SH3GLB2: variants seen among roughly 807,000 people sequenced by gnomAD.
The protein encoded by SH3GLB2 is SH3 domain containing GRB2 like, endophilin B2, also known as endophilin-B2.
A neutral mutation model predicts 48.0 loss-of-function variants in SH3GLB2; 24 were observed. The observed-to-expected ratio is 0.50, with a 90% confidence interval of 0.36 to 0.70. The LOEUF is 0.70. Among genes scored for constraint, SH3GLB2 ranks in the 30% least tolerant of loss-of-function variants. The probability of loss-of-function intolerance (pLI) is 0.00; values close to 1 mark genes in which losing one functional copy is unlikely to be tolerated. For synonymous variants in SH3GLB2, 227 were observed against 207.6 expected (o/e 1.09, Z -0.80); for missense variants, 425 against 516.0 (o/e 0.82, Z 1.71).
chr9:129,012,088 TC>T, intron 6 of SH3GLB2, 147 bp downstream of exon 6: 1 of 450,490 alleles, frequency 2.2e-6, no homozygotes, highest in Non-Finnish European at 3.7e-6. Flanking sequence ...CTGCTGCCCC[TC>T]CCCAGTGTCT....
intron 5 of SH3GLB2, 31 bp from the exon 6 acceptor site, chr9:129,012,329 G>A (rs1843175701): frequency 7.9e-7 from 1 of 1,265,398 alleles, no homozygotes; most frequent in South Asian, 3.4e-5. Flanking sequence ...TGTGGGGAGG[G>A]GGTCACCCTG....
At chr9:129,009,537 C>T (rs1029936850) in intron 9 of SH3GLB2, 191 bp from the exon 10 acceptor site, 11 of 1,547,654 alleles carry the variant, frequency 7.1e-6, no homozygotes, top group Non-Finnish European at 9.6e-6. Flanking sequence ...CCCTGCCATC[C>T]TCCCCACCCA....
rs2131215804 is a variant in SH3GLB2, at chr9:129,008,458, G to A, written c.*226C>T. ...GGAGGGTGGGGTGCTCGGGGATGCA[G>A]GCAGGGGCAGGGGCTCCAGAGCCAC... is the stretch of plus-strand genomic sequence containing the variant. On this transcript the variant is annotated 3_prime_UTR_variant, in exon 11 of 11. Transcript: ENST00000372564. 7 of 503,828 alleles carry A rather than the reference G, an allele frequency of 1.4e-5. No individual in the cohort carries two copies. The East Asian group carries it at 2.6e-4, about 18-fold the overall frequency. 31.2% of individuals were successfully genotyped at this position (503,828 alleles called of 1,614,324 possible).
rs1842994558 is a variant in SH3GLB2 at position 129,009,755 on chromosome 9, A to G, written c.839+16T>C. The G allele has an allele frequency of 6.2e-7, 1 of 1,605,208 alleles. No homozygotes were observed. The highest frequency in any genetic ancestry group is 8.5e-7 in the Non-Finnish European group (1 of 1,175,604). ...GCCAGGGGGCCCCAGTGGGTTCAGC[A>G]GTGCTGGCCCCGCACCTGCCCAGCT... On this transcript the variant is annotated intron_variant, in intron 9 of 10. Transcript: ENST00000372564.
At position 129,012,268 on chromosome 9, in the gene SH3GLB2, G is replaced by T; in HGVS notation, c.592C>A (p.Arg198Ser). Residue 198 changes from arginine (R) to serine (S), a missense_variant, in exon 6 of 11, where the codon CGT becomes AGT. Physicochemically the swap from Arg to Ser is moderately radical, Grantham distance 110. Transcript: ENST00000372564. ...TVPDFQETRP[R>S]NYILSASASA... ...GCGCTGGCCGAGAGAATGTAATTAC[G>T]AGGTCTAGTCTCCTGAAAGTCAGGC... 1 of 1,302,394 alleles carries T rather than the reference G, an allele frequency of 7.7e-7. No homozygotes were observed. Among genetic ancestry groups the T allele is most frequent in the Non-Finnish European group, 9.8e-7 (1 of 1,018,130 alleles). The allele number at this position is 1,302,394 out of a possible 1,614,324, so 80.7% of individuals were successfully genotyped here. A position where few individuals can be genotyped will look rare whatever the true frequency, so the allele number is the denominator to read the frequency against.
At chr9:129,012,699 T>C (rs1194207046) in intron 5 of SH3GLB2, 1 of 485,168 alleles carries the variant, frequency 2.1e-6, no homozygotes, top group East Asian at 3.2e-5. Flanking sequence ...GCTTTTTCCA[T>C]CCCAGAATCC....
intron 1 of SH3GLB2, among the ~76,000 whole-genome samples, chr9:129,026,687 G>A (rs1225620203): frequency 1.3e-5 from 2 of 152,212 alleles, no homozygotes; most frequent in Non-Finnish European, 2.9e-5. Context: ...TCAGGCAGCA[G>A]GGCCCCAGCC....
chr9:129,009,201 C>G lies in SH3GLB2; in HGVS notation c.985G>C (p.Glu329Gln). The G allele has an allele frequency of 6.2e-7, 1 of 1,610,544 alleles. No individual in the cohort carries two copies. Among genetic ancestry groups the G allele is most frequent in the Non-Finnish European group, 8.5e-7 (1 of 1,179,000 alleles). ...PPGEASLCLE[E>Q]VAPPASGTRK... Reference sequence around the variant, plus strand: ...GTCCCACTGGCAGGGGGGGCCACCTCTTCCAGGCAGAGCGAGGCCTCCCCC... The same window carrying G: ...GTCCCACTGGCAGGGGGGGCCACCTGTTCCAGGCAGAGCGAGGCCTCCCCC... Residue 329 changes from glutamate to glutamine, a missense_variant, in exon 10 of 11, where the codon GAG (glutamate) becomes CAG (glutamine). Physicochemically the swap from Glu to Gln is conservative, Grantham distance 29. Transcript: ENST00000372564.
intron 5 of SH3GLB2, 146 bp from the exon 6 acceptor site, chr9:129,012,444 C>A: frequency 2.3e-6 from 1 of 438,004 alleles, no homozygotes; most frequent in Non-Finnish European, 3.9e-6. Flanking sequence ...ACACAAACCC[C>A]CTTCTCCCGA....
intron 3 of SH3GLB2, among the ~76,000 whole-genome samples, chr9:129,019,839 A>G (rs1249916670): frequency 6.6e-6 from 1 of 150,740 alleles, no homozygotes; most frequent in Admixed American, 6.6e-5. Flanking sequence ...TTTAAAATGA[A>G]AAAAAAAAGA....
intron 3 of SH3GLB2, among the ~76,000 whole-genome samples, chr9:129,017,669 G>A (rs1201301482): frequency 6.6e-6 from 1 of 151,974 alleles, no homozygotes; most frequent in African/African-American, 2.4e-5. Flanking sequence ...GGGAGGCCAA[G>A]GTGGGTGGAT....
At chr9:129,017,545 CTT>C (rs1843503706) in intron 3 of SH3GLB2, among the ~76,000 whole-genome samples, 1 of 151,950 alleles carries the variant, frequency 6.6e-6, no homozygotes, top group Non-Finnish European at 1.5e-5. Flanking sequence ...AGGCGGATCA[CTT>C]GAGATCAGGA....
chr9:129,008,594 A>C lies in SH3GLB2; in HGVS notation c.*90T>G. The C allele has an allele frequency of 1.0e-6, 1 of 996,194 alleles. No homozygotes were observed. The highest frequency in any genetic ancestry group is 1.6e-5 in the African/African-American group (1 of 63,488). The allele number at this position is 996,194 out of a possible 1,614,324, so 61.7% of individuals were successfully genotyped here. A position where few individuals can be genotyped will look rare whatever the true frequency, so the allele number is the denominator to read the frequency against. On this transcript the variant is annotated 3_prime_UTR_variant, in exon 11 of 11. Coordinates refer to ENST00000372564, the MANE Select transcript of SH3GLB2 (RefSeq NM_020145.4). Reference sequence around the variant, plus strand: ...GGGGTGAATTCTCCCCACTCTGAACAACTGTGTCACCAACAAACAAGTTAA... The same window carrying C: ...GGGGTGAATTCTCCCCACTCTGAACCACTGTGTCACCAACAAACAAGTTAA...
Position 129,012,771 on chromosome 9 carries a change from A to G in SH3GLB2, c.562-473T>C, listed in dbSNP as rs971860919. The stretch of plus-strand genomic sequence containing the variant: ...GCCCCTCCCGACAATGAAGGTGGAC[A>G]GATGGATGCATGGGCAGACAGAGTG... On this transcript the variant is annotated intron_variant, in intron 5 of 10. Coordinates refer to ENST00000372564, the MANE Select transcript of SH3GLB2 (RefSeq NM_020145.4). The G allele has an allele frequency of 1.4e-5, 8 of 581,414 alleles. No individual in the cohort carries two copies. In the African/African-American group the frequency reaches 1.5e-4, roughly 11 times the overall value. 36.0% of individuals were successfully genotyped at this position (581,414 alleles called of 1,614,324 possible). A position where few individuals can be genotyped will look rare whatever the true frequency, so the allele number is the denominator to read the frequency against.
chr9:129,008,648 C>T lies in SH3GLB2; in HGVS notation c.*36G>A. The T allele has an allele frequency of 6.5e-7, 1 of 1,535,878 alleles. No individual in the cohort carries two copies. Among genetic ancestry groups the T allele is most frequent in the Non-Finnish European group, 9.0e-7 (1 of 1,109,874 alleles). On this transcript the variant is annotated 3_prime_UTR_variant, in exon 11 of 11. Coordinates refer to ENST00000372564, the MANE Select transcript of SH3GLB2 (RefSeq NM_020145.4). ...GCAGGGCTGCGCCCATCCTCTCCTG[C>T]CTAGGCCAGAATGCGGGGGGGATGG...
In SH3GLB2 at chr9:129,014,604, G is replaced by C; in HGVS notation, c.469-101C>G. On this transcript the variant is annotated intron_variant, in intron 4 of 10. Coordinates refer to ENST00000372564, the MANE Select transcript of SH3GLB2 (RefSeq NM_020145.4). The surrounding 1 kb of genome is among the most constrained non-coding windows in gnomAD (Gnocchi z 4.1). ...TGCCGGGGACGATCAAGTCAAGATAGGGAAACTGAGGCCCAGAGATAGGAG... is the reference window on the plus strand; with the variant it reads ...TGCCGGGGACGATCAAGTCAAGATACGGAAACTGAGGCCCAGAGATAGGAG... 2.0e-6 allele frequency: 3 copies of C among 1,486,558 alleles called. No individual in the cohort carries two copies. The highest frequency in any genetic ancestry group is 2.8e-6 in the Non-Finnish European group (3 of 1,082,624). The allele number at this position is 1,486,558 out of a possible 1,614,324, so 92.1% of individuals were successfully genotyped here.
chr9:129,009,776 CA>C lies in SH3GLB2; in HGVS notation c.833del (p.Leu278ArgfsTer19). ...YRHMLDLQKQ[L>X]GRFPGTFVGT... Reference sequence around the variant, plus strand: ...CAGCAGTGCTGGCCCCGCACCTGCCCAGCTGCTTCTGCAAGTCCAGCATGTG... The same window carrying C: ...CAGCAGTGCTGGCCCCGCACCTGCCCGCTGCTTCTGCAAGTCCAGCATGTG... On this transcript the variant is annotated frameshift_variant, in exon 9 of 11. Transcript: ENST00000372564. LOFTEE classifies it high-confidence loss of function. 1.2e-6 allele frequency: 2 copies of C among 1,612,592 alleles called. No individual in the cohort carries two copies. The highest frequency in any genetic ancestry group is 2.7e-5 in the African/African-American group (2 of 75,046).
At position 129,014,367 on chromosome 9, in the gene SH3GLB2, C is replaced by A; in HGVS notation, c.561+44G>T. On this transcript the variant is annotated intron_variant, in intron 5 of 10. Transcript: ENST00000372564. This position sits in a 1 kb window ranked among gnomAD's most constrained non-coding sequence, Gnocchi z 4.1. ...TCATGCCACCACCCCTTGGCTCCAG[C>A]CAGAGCCTGGGCCAGGAGGCCAGCG... is the stretch of plus-strand genomic sequence containing the variant. 1.3e-6 allele frequency: 2 copies of A among 1,532,110 alleles called. No homozygotes were observed. Among genetic ancestry groups the A allele is most frequent in the South Asian group, 2.4e-5 (2 of 83,648 alleles). The allele number at this position is 1,532,110 out of a possible 1,614,324, so 94.9% of individuals were successfully genotyped here.
In SH3GLB2 at chr9:129,014,361, C is replaced by T; in HGVS notation, c.561+50G>A. 3 of 1,520,790 alleles carry T rather than the reference C, an allele frequency of 2.0e-6. No homozygotes were observed. Among genetic ancestry groups the T allele is most frequent in the Non-Finnish European group, 2.7e-6 (3 of 1,123,004 alleles). 94.2% of individuals were successfully genotyped at this position (1,520,790 alleles called of 1,614,324 possible). A position where few individuals can be genotyped will look rare whatever the true frequency, so the allele number is the denominator to read the frequency against. The stretch of plus-strand genomic sequence containing the variant: ...GTCCCTTCATGCCACCACCCCTTGG[C>T]TCCAGCCAGAGCCTGGGCCAGGAGG... On this transcript the variant is annotated intron_variant, in intron 5 of 10. Coordinates refer to ENST00000372564, the MANE Select transcript of SH3GLB2 (RefSeq NM_020145.4). The surrounding 1 kb of genome is among the most constrained non-coding windows in gnomAD (Gnocchi z 4.1).
Sources: gnomAD v4.1 joint callset for allele counts (sites outside exome capture counted in the v4.1 genomes callset) on GRCh38, gnomAD v4.1.1 for gene constraint, Gnocchi (gnomAD v3.1) non-coding constraint, MANE v1.5 for transcripts, NCBI Gene and HGNC (gene_info 2026-07-23, HGNC 2026-07-21) for gene names.